KMT2C: variants seen among roughly 807,000 people sequenced by gnomAD.
The protein encoded by KMT2C is lysine methyltransferase 2C.
Under a neutral mutation model 507.9 loss-of-function variants are expected in KMT2C, and 88 were observed. The observed-to-expected ratio is 0.17, with a 90% CI of 0.15 to 0.21. The LOEUF (loss-of-function observed/expected upper bound fraction) is 0.21, where lower values mean the gene tolerates loss of function less well. Ranked by LOEUF, KMT2C falls within the 10% of genes least tolerant of loss-of-function variation. KMT2C has a pLI of 1.00. For synonymous variants in KMT2C, 2,049 were observed against 2,080.8 expected (o/e 0.98, Z 0.42); for missense variants, 4,954 against 5,957.8 (o/e 0.83, Z 5.55).
At chr7:152,358,451 A>G (rs1007450978) in intron 2 of KMT2C, 136 bp downstream of exon 2, 11 of 525,652 alleles carry the variant, frequency 2.1e-5, no homozygotes, top group South Asian at 1.3e-4. Context: ...TATCAAAACA[A>G]GGCAGATGGG....
chr7:152,381,537 A>G (rs1031433496), intron 1 of KMT2C, among the ~76,000 whole-genome samples: 4 of 152,238 alleles, frequency 2.6e-5, no homozygotes, highest in Admixed American at 1.3e-4. Flanking sequence ...CCTCTTCCAT[A>G]GTAATTGTTA....
chr7:152,224,356 G>A (rs1466000544), intron 19 of KMT2C, 79 bp downstream of exon 19: 1 of 1,426,096 alleles, frequency 7.0e-7, no homozygotes, highest in Non-Finnish European at 9.7e-7. Flanking sequence ...AAATAGGTGT[G>A]GCTAATTTTT....
chr7:152,150,872 T>C lies in KMT2C; in HGVS notation c.12774+28A>G, dbSNP rs774415558. 9 of 1,426,920 alleles carry C rather than the reference T, an allele frequency of 6.3e-6. 1 individual carries two copies. The highest frequency in any genetic ancestry group is 1.7e-4 in the Middle Eastern group (1 of 5,746). The allele number at this position is 1,426,920 out of a possible 1,614,324, so 88.4% of individuals were successfully genotyped here. A position where few individuals can be genotyped will look rare whatever the true frequency, so the allele number is the denominator to read the frequency against. ...CACAGAAGTCACTCGTTACACATTG[T>C]TATCAGCTGAGATTATCCTAATCTC... is the stretch of plus-strand genomic sequence containing the variant. On this transcript the variant is annotated intron_variant, in intron 51 of 58. Coordinates refer to ENST00000262189, the MANE Select transcript of KMT2C (RefSeq NM_170606.3).
At chr7:152,434,403 T>C (rs2097896045) in intron 1 of KMT2C, among the ~76,000 whole-genome samples, 2 of 152,218 alleles carry the variant, frequency 1.3e-5, no homozygotes, top group South Asian at 4.1e-4. Context: ...AAGAGCTCAA[T>C]GGGTTCCCAC....
At chr7:152,424,117 T>C (rs2097795726) in intron 1 of KMT2C, among the ~76,000 whole-genome samples, 1 of 151,606 alleles carries the variant, frequency 6.6e-6, no homozygotes, top group South Asian at 2.1e-4. Context: ...CCAAATGCAT[T>C]TTTTTTTTCT....
chr7:152,165,610 A>G (rs531900556), intron 42 of KMT2C, among the ~76,000 whole-genome samples: 1 of 152,354 alleles, frequency 6.6e-6, no homozygotes, highest in South Asian at 2.1e-4. Flanking sequence ...GTTTGAAGAT[A>G]AGACACGTGA....
At chr7:152,361,798 A>G (rs1049634749) in intron 1 of KMT2C, among the ~76,000 whole-genome samples, 1 of 152,344 alleles carries the variant, frequency 6.6e-6, no homozygotes, top group South Asian at 2.1e-4. Context: ...TGGATAACAT[A>G]AGAGAACTTC....
intron 31 of KMT2C, among the ~76,000 whole-genome samples, chr7:152,192,435 G>A (rs73481028): frequency 1.4e-4 from 22 of 152,060 alleles, no homozygotes; most frequent in Non-Finnish European, 2.5e-4. Context: ...CCAGCTACTC[G>A]GGAGGCTAAG....
At chr7:152,344,915 AGGC>A (rs1409065236) in intron 2 of KMT2C, among the ~76,000 whole-genome samples, 1 of 152,126 alleles carries the variant, frequency 6.6e-6, no homozygotes, top group African/African-American at 2.4e-5. Context: ...TGAACCCAGG[AGGC>A]GGAGCTTGCA....
intron 8 of KMT2C, 88 bp downstream of exon 8, chr7:152,264,950 C>T: frequency 6.9e-7 from 1 of 1,455,074 alleles, no homozygotes; most frequent in South Asian, 1.5e-5. Flanking sequence ...TATGAACAAC[C>T]TCTATTATAT....
rs1289815717 is a variant in KMT2C, at chr7:152,258,408, A to G, written c.1299+4608T>C. 4.6e-5 allele frequency among the ~76,000 whole-genome samples: 7 copies of G among 152,338 alleles called. No individual in the cohort carries two copies. The South Asian group carries it at 1.2e-3, about 27-fold the overall frequency. On this transcript the variant is annotated intron_variant, in intron 9 of 58. Coordinates refer to ENST00000262189, the MANE Select transcript of KMT2C (RefSeq NM_170606.3). ...GCTTACAAAAGAAAGCAGAGGGCTA[A>G]CTGGTAAATGCGGTGGGAGTGCTAG... is the stretch of plus-strand genomic sequence containing the variant.
Position 152,178,015 on chromosome 7 carries a change from T to TTAAAAAAAA in KMT2C, c.7443-6_7443-5insTTTTTTTTA, listed in dbSNP as rs1491309235. On this transcript the variant is annotated splice_polypyrimidine_tract_variant and splice_region_variant and intron_variant, in intron 37 of 58. Coordinates refer to ENST00000262189, the MANE Select transcript of KMT2C (RefSeq NM_170606.3). Reference sequence around the variant, plus strand: ...CTACCTCCTGGAAATCCAAATCTTTTAAAAAAAAAAAAAAAAAAAAAAAAA... The same window carrying TTAAAAAAAA: ...CTACCTCCTGGAAATCCAAATCTTTTTAAAAAAAAAAAAAAAAAAAAAAAAAAAAAAAAA... 7.8e-4 allele frequency: 633 copies of TTAAAAAAAA among 810,210 alleles called. 10 individuals carry two copies. Among genetic ancestry groups the TTAAAAAAAA allele is most frequent in the East Asian group, 5.1e-3 (73 of 14,394 alleles). 50.2% of individuals were successfully genotyped at this position (810,210 alleles called of 1,614,324 possible). A position where few individuals can be genotyped will look rare whatever the true frequency, so the allele number is the denominator to read the frequency against.
chr7:152,220,299 G>A, intron 23 of KMT2C: 1 of 532,398 alleles, frequency 1.9e-6, no homozygotes, highest in Non-Finnish European at 3.4e-6. Flanking sequence ...TGCTCCTTGA[G>A]ATTTCTGTAA....
At chr7:152,192,860 T>C (rs908752950) in intron 31 of KMT2C, among the ~76,000 whole-genome samples, 8 of 152,052 alleles carry the variant, frequency 5.3e-5, no homozygotes, top group African/African-American at 1.9e-4. Flanking sequence ...GAGAGAGATG[T>C]TCCTATGCTC....
At chr7:152,263,909 G>C (rs1328840674) in intron 8 of KMT2C, among the ~76,000 whole-genome samples, 1 of 152,254 alleles carries the variant, frequency 6.6e-6, no homozygotes, top group East Asian at 1.9e-4. Flanking sequence ...AAACAACAGG[G>C]AAAGCAAGAA....
intron 4 of KMT2C, among the ~76,000 whole-genome samples, chr7:152,312,811 ATCT>A (rs2096685473): frequency 6.6e-6 from 1 of 152,176 alleles, no homozygotes; most frequent in African/African-American, 2.4e-5. Context: ...TAAAACTTAA[ATCT>A]TCTCCTAATA....
intron 34 of KMT2C, among the ~76,000 whole-genome samples, chr7:152,183,729 T>C (rs2093515829): frequency 6.6e-6 from 1 of 151,974 alleles, no homozygotes; most frequent in Non-Finnish European, 1.5e-5. Context: ...ACACCCCATC[T>C]CTACTAAAAA....
chr7:152,306,557 AAAT>A (rs2096617237), intron 6 of KMT2C, among the ~76,000 whole-genome samples: 1 of 152,230 alleles, frequency 6.6e-6, no homozygotes, highest in Admixed American at 6.5e-5. Context: ...TTCGCAAATT[AAAT>A]AATACTATAA....
At position 152,176,852 on chromosome 7, in the gene KMT2C, C is replaced by A. The variant is rs1475341096; in HGVS notation, c.8601G>T (p.Lys2867Asn). Residue 2867 changes from lysine (K) to asparagine (N), a missense_variant, in exon 38 of 59, where the codon AAG (lysine) becomes AAT (asparagine). Physicochemically the swap from Lys to Asn is moderately conservative, Grantham distance 94. Coordinates refer to ENST00000262189, the MANE Select transcript of KMT2C (RefSeq NM_170606.3). Reference sequence around the variant, plus strand: ...CTGGATCACAAGGATGCAAAGAAGTCTTTTCTCCATCATTTAGGTCTGAGT... The same window carrying A: ...CTGGATCACAAGGATGCAAAGAAGTATTTTCTCCATCATTTAGGTCTGAGT... ...SAHSDLNDGE[K>N]TSLHPCDPDL... 1 of 1,614,070 alleles carries A rather than the reference C, an allele frequency of 6.2e-7. No homozygotes were observed. Among genetic ancestry groups the A allele is most frequent in the Non-Finnish European group, 8.5e-7 (1 of 1,180,038 alleles).
Sources: gnomAD v4.1 joint callset for allele counts (sites outside exome capture counted in the v4.1 genomes callset) on GRCh38, gnomAD v4.1.1 for gene constraint, MANE v1.5 for transcripts, NCBI Gene and HGNC (gene_info 2026-07-23, HGNC 2026-07-21) for gene names.